STK33: variants seen among roughly 807,000 people sequenced by gnomAD.
STK33 encodes serine/threonine-protein kinase 33.
A neutral mutation model predicts 58.0 loss-of-function variants in STK33; 52 were observed. That is an observed-to-expected ratio of 0.90 (90% CI 0.72 to 1.13). The LOEUF (loss-of-function observed/expected upper bound fraction) is 1.13, where lower values mean the gene tolerates loss of function less well. Ranked by LOEUF, STK33 falls within the 50% of genes most tolerant of loss-of-function variation. The pLI is 0.00. For missense variants in STK33, 630 were observed against 604.2 expected (o/e 1.04, Z -0.45); for synonymous variants, 215 against 200.1 (o/e 1.07, Z -0.63).
At chr11:8,507,602 TAAAG>T (rs1314492000) in intron 1 of STK33, among the ~76,000 whole-genome samples, 1 of 152,040 alleles carries the variant, frequency 6.6e-6, no homozygotes, top group Non-Finnish European at 1.5e-5. Context: ...CCATTTATCT[TAAAG>T]AAGACTAAAT....
chr11:8,553,182 ATATATATATATATATGGTG>A (rs1418171500), intron 1 of STK33, among the ~76,000 whole-genome samples: 3,793 of 75,914 alleles, frequency 0.05, 131 homozygotes, highest in Non-Finnish European at 0.064. Context: ...ATATATATAT[ATATATATATATATATGGTG>A]TATATATATA....
chr11:8,402,024 T>A (rs1340162487), intron 15 of STK33, among the ~76,000 whole-genome samples: 1 of 152,202 alleles, frequency 6.6e-6, no homozygotes, highest in Non-Finnish European at 1.5e-5. Context: ...GGTGGGACTG[T>A]AAACTAGTTC....
At chr11:8,433,859 C>T (rs968004954) in intron 14 of STK33, 3 of 152,200 alleles carry the variant, frequency 2.0e-5, no homozygotes, top group African/African-American at 7.2e-5. Flanking sequence ...CTCAACAGTA[C>T]TACTTCAACA....
chr11:8,367,282 T>A, the STK33 span, among the ~76,000 whole-genome samples: 1 of 152,204 alleles, frequency 6.6e-6, no homozygotes, highest in South Asian at 2.1e-4. Flanking sequence ...GACAAAGTAT[T>A]TGTACCTCCT....
chr11:8,552,998 A>G (rs1029814371), intron 1 of STK33, among the ~76,000 whole-genome samples: 1 of 150,842 alleles, frequency 6.6e-6, no homozygotes, highest in South Asian at 2.1e-4. Flanking sequence ...ATAAAAAAAA[A>G]AAACTTAAAT....
the STK33 span, among the ~76,000 whole-genome samples, chr11:8,339,744 C>T: frequency 4.6e-5 from 7 of 152,238 alleles, no homozygotes; most frequent in African/African-American, 1.7e-4. Context: ...GTGGTCGCCA[C>T]ATCGGGGAGA....
chr11:8,550,173 A>G (rs1956210481), intron 1 of STK33, among the ~76,000 whole-genome samples: 1 of 152,248 alleles, frequency 6.6e-6, no homozygotes, highest in Admixed American at 6.5e-5. Flanking sequence ...ATTTTATGAT[A>G]GTAATAATTC....
chr11:8,404,024 T>G (rs1287127631), intron 15 of STK33, among the ~76,000 whole-genome samples: 1 of 152,246 alleles, frequency 6.6e-6, no homozygotes, highest in Admixed American at 6.5e-5. Flanking sequence ...ATTATAGGCC[T>G]GCACAAGGTC....
chr11:8,423,079 C>A (rs566937111), intron 14 of STK33, among the ~76,000 whole-genome samples: 1 of 151,480 alleles, frequency 6.6e-6, no homozygotes, highest in Admixed American at 6.6e-5. Context: ...TGGACTCAAG[C>A]AATCCACCCG....
At chr11:8,514,182 G>A (rs1459197642) in intron 1 of STK33, among the ~76,000 whole-genome samples, 2 of 152,172 alleles carry the variant, frequency 1.3e-5, no homozygotes, top group Non-Finnish European at 2.9e-5. Flanking sequence ...GTACTCCATT[G>A]TATATATGTG....
chr11:8,572,864 T>G (rs1424513116), intron 1 of STK33, among the ~76,000 whole-genome samples: 1 of 151,928 alleles, frequency 6.6e-6, no homozygotes, highest in African/African-American at 2.4e-5. Flanking sequence ...TAATAGGAAC[T>G]ATCCAAAATA....
At chr11:8,390,265 C>A (rs1241869673), downstream of STK33, among the ~76,000 whole-genome samples, 5 of 152,182 alleles carry the variant, frequency 3.3e-5, no homozygotes, top group African/African-American at 4.8e-5. Flanking sequence ...GAAAATAACA[C>A]CTGCGCTGTG....
chr11:8,462,019 G>T, intron 7 of STK33, 110 bp from the exon 8 acceptor site: 1 of 692,242 alleles, frequency 1.4e-6, no homozygotes, highest in Non-Finnish European at 2.2e-6. Flanking sequence ...CTTCATATTT[G>T]AAGTGAATTC....
chr11:8,469,594 C>T (rs144310738), intron 6 of STK33, among the ~76,000 whole-genome samples: 2 of 152,314 alleles, frequency 1.3e-5, no homozygotes, highest in African/African-American at 4.8e-5. Flanking sequence ...TTCTCAATGG[C>T]ATCCAGAATG....
At chr11:8,575,452 G>A (rs998285211) in intron 1 of STK33, among the ~76,000 whole-genome samples, 2 of 152,166 alleles carry the variant, frequency 1.3e-5, no homozygotes, top group African/African-American at 4.8e-5. Context: ...ATACAACATG[G>A]ATGAACCATG....
rs868737153 is a variant in STK33, at chr11:8,418,145, T to G, written c.1147-4453A>C. On this transcript the variant is annotated intron_variant, in intron 14 of 15. Transcript: ENST00000687296. ...GGGGTACCTGAGCAGGTTTCTTATA[T>G]AGGTAAACTCGTGTCACAGGGGTTC... Among the ~76,000 whole-genome samples the G allele has an allele frequency of 3.3e-5, 5 of 152,054 alleles. No individual in the cohort carries two copies. In the South Asian group the frequency reaches 1.0e-3, roughly 32 times the overall value.
At chr11:8,542,791 C>T (rs1955622335) in intron 1 of STK33, among the ~76,000 whole-genome samples, 2 of 152,140 alleles carry the variant, frequency 1.3e-5, no homozygotes, top group Admixed American at 1.3e-4. Flanking sequence ...CGGCTGCAAC[C>T]TCTGCCTCCC....
chr11:8,461,741 A>C (rs748541147), intron 8 of STK33, 64 bp downstream of exon 8: 1 of 1,307,450 alleles, frequency 7.6e-7, no homozygotes, highest in Non-Finnish European at 1.0e-6. Context: ...TTATTTCAGA[A>C]TGGAATGATA....
At chr11:8,484,719 G>A (rs1170594231) in intron 1 of STK33, among the ~76,000 whole-genome samples, 1 of 152,202 alleles carries the variant, frequency 6.6e-6, no homozygotes, top group East Asian at 1.9e-4. Flanking sequence ...AGAAGGAATA[G>A]TATATATATG....
Sources: gnomAD v4.1 joint callset for allele counts (sites outside exome capture counted in the v4.1 genomes callset) on GRCh38, gnomAD v4.1.1 for gene constraint, MANE v1.5 for transcripts, NCBI Gene and HGNC (gene_info 2026-07-23, HGNC 2026-07-21) for gene names.